Variants in EIF5B observed in about 807,000 individuals in gnomAD.
EIF5B encodes eIF-5B.
Under a neutral mutation model 147.5 loss-of-function variants are expected in EIF5B, and 47 were observed. The observed-to-expected ratio is 0.32, with a 90% CI of 0.25 to 0.41. The LOEUF (loss-of-function observed/expected upper bound fraction) is 0.41, where lower values mean the gene tolerates loss of function less well. Ranked by LOEUF, EIF5B falls within the 10% of genes least tolerant of loss-of-function variation. The pLI, the probability that EIF5B is intolerant of heterozygous loss-of-function variation, is 1.00. For synonymous variants in EIF5B, 455 were observed against 456.2 expected, an observed-to-expected ratio of 1.00 and a Z score of 0.03; for missense variants, 1,064 against 1,413.2, an observed-to-expected ratio of 0.75 and a Z score of 3.96.
chr2:99,338,987 T>C (rs1389567469), intron 1 of EIF5B, among the ~76,000 whole-genome samples: 3 of 62,728 alleles, frequency 4.8e-5, no homozygotes, highest in Non-Finnish European at 8.6e-5. Flanking sequence ...TACAAATATA[T>C]ACACAAATAT....
At chr2:99,367,747 G>A (rs1052640114) in intron 6 of EIF5B, among the ~76,000 whole-genome samples, 3 of 152,148 alleles carry the variant, frequency 2.0e-5, no homozygotes, top group Non-Finnish European at 2.9e-5. Flanking sequence ...GAGCCATTGC[G>A]CCTGGCCAAA....
At chr2:99,351,879 T>A (rs1306041575) in intron 1 of EIF5B, among the ~76,000 whole-genome samples, 1 of 152,040 alleles carries the variant, frequency 6.6e-6, no homozygotes, top group Non-Finnish European at 1.5e-5. Flanking sequence ...TTTGTATTTT[T>A]AGTAGGGACG....
chr2:99,359,653 G>A (rs1312492854), intron 1 of EIF5B, among the ~76,000 whole-genome samples: 1 of 152,188 alleles, frequency 6.6e-6, no homozygotes, highest in Non-Finnish European at 1.5e-5. Context: ...TGGATTTTTG[G>A]TTAAGTATTT....
intron 9 of EIF5B, among the ~76,000 whole-genome samples, chr2:99,372,431 C>T (rs942220767): frequency 7.9e-5 from 12 of 152,138 alleles, no homozygotes; most frequent in Admixed American, 1.3e-4. Flanking sequence ...CTCCACCTCC[C>T]GGGTTCAAGC....
Position 99,394,740 on chromosome 2 carries a change from C to T in EIF5B, c.3111C>T (p.Phe1037=), listed in dbSNP as rs375923795. ...HDPQYAVILA[F]DVRIERDAQE... Reference sequence around the variant, plus strand: ...TTAGGTATGCAGTAATTTTGGCCTTCGATGTGAGAATTGAACGAGATGCAC... The same window carrying T: ...TTAGGTATGCAGTAATTTTGGCCTTTGATGTGAGAATTGAACGAGATGCAC... Residue 1037 remains phenylalanine (F), a synonymous_variant, in exon 21 of 24, where the codon TTC becomes TTT. Transcript: ENST00000289371. 9.3e-6 allele frequency: 15 copies of T among 1,611,362 alleles called. No homozygotes were observed. Among genetic ancestry groups the T allele is most frequent in the African/African-American group, 6.7e-5 (5 of 74,654 alleles).
At chr2:99,390,446 A>G in intron 16 of EIF5B, 45 bp downstream of exon 16, 1 of 1,579,480 alleles carries the variant, frequency 6.3e-7, no homozygotes, top group Middle Eastern at 1.7e-4. Flanking sequence ...TTTTTTAAAA[A>G]TAGCAAGTTC....
chr2:99,362,542 T>TA (rs1674240178), intron 4 of EIF5B, among the ~76,000 whole-genome samples: 1 of 151,800 alleles, frequency 6.6e-6, no homozygotes, highest in African/African-American at 2.4e-5. Flanking sequence ...CTACTAAAAA[T>TA]ACAATAATTA....
rs1211776059 is a variant in EIF5B, at chr2:99,361,236, A to G, written c.335A>G (p.Asp112Gly). ...AAAAAACAGAGTTTTGATGATAATGATAGCGAAGAATTGGAAGATAAAGAT... is the reference window on the plus strand; with the variant it reads ...AAAAAACAGAGTTTTGATGATAATGGTAGCGAAGAATTGGAAGATAAAGAT... ...KGKKQSFDDNDSEELEDKDSK... is the reference protein window; with the variant it reads ...KGKKQSFDDNGSEELEDKDSK... The change falls in exon 4 of 24, where the codon GAT becomes GGT. Residue 112 changes from aspartate to glycine, a missense_variant. By Grantham distance (94) the Asp-to-Gly change is moderately conservative (BLOSUM62 -1). Transcript: ENST00000289371. The G allele has an allele frequency of 2.5e-6, 4 of 1,611,952 alleles. No individual in the cohort carries two copies. In the Admixed American group the frequency reaches 6.7e-5, roughly 27 times the overall value.
At chr2:99,381,552 T>TGTGTGTGTGA (rs1362008404) in intron 12 of EIF5B, among the ~76,000 whole-genome samples, 2 of 151,266 alleles carry the variant, frequency 1.3e-5, no homozygotes, top group African/African-American at 4.9e-5. Context: ...TGTGTGTGTG[T>TGTGTGTGTGA]GAAATTAGTT....
chr2:99,368,577 T>C lies in EIF5B; in HGVS notation c.1373T>C (p.Leu458Pro), dbSNP rs1674375398. The C allele has an allele frequency of 6.2e-7, 1 of 1,612,774 alleles. No individual in the cohort carries two copies. The highest frequency in any genetic ancestry group is 8.5e-7 in the Non-Finnish European group (1 of 1,179,194). Residue 458 changes from leucine (L) to proline (P), a missense_variant, in exon 7 of 24, where the codon CTA becomes CCA. By Grantham distance (98) the Leu-to-Pro change is moderately conservative (BLOSUM62 -3). Around this residue, in one of 4 missense-constraint regions of EIF5B, gnomAD observed 31 missense variants for 60.1 expected, o/e 0.52. Transcript: ENST00000289371. ...DKKRKKIPQQ[L>P]ESKEVSESME... Reference sequence around the variant, plus strand: ...AAGAGGAAAAAAATACCACAGCAGCTAGAAAGTAAAGAAGGTTTGTATACA... The same window carrying C: ...AAGAGGAAAAAAATACCACAGCAGCCAGAAAGTAAAGAAGGTTTGTATACA...
intron 1 of EIF5B, chr2:99,338,312 C>CT: frequency 2.3e-6 from 3 of 1,288,958 alleles, no homozygotes; most frequent in Non-Finnish European, 3.0e-6. Context: ...ATGCGAGTTA[C>CT]TTACCTAGAG....
chr2:99,338,489 T>G (rs1291460806), intron 1 of EIF5B: 1 of 437,774 alleles, frequency 2.3e-6, no homozygotes, highest in East Asian at 7.2e-5. Flanking sequence ...AAACTAGTGC[T>G]AGTTCATCAG....
chr2:99,400,498 T>C lies in EIF5B; in HGVS notation c.*1084T>C, dbSNP rs935756555. Reference sequence around the variant, plus strand: ...CATAGAATTTTAAACTATTTTTATTTTAAAGTTATGGCATAACATATAACA... The same window carrying C: ...CATAGAATTTTAAACTATTTTTATTCTAAAGTTATGGCATAACATATAACA... On this transcript the variant is annotated 3_prime_UTR_variant, in exon 24 of 24. Coordinates refer to ENST00000289371, the MANE Select transcript of EIF5B (RefSeq NM_015904.4). The C allele has an allele frequency of 1.3e-5, 2 of 152,196 alleles. No homozygotes were observed. The allele number at this position is 152,196 out of a possible 1,614,324, so 9.4% of individuals were successfully genotyped here.
Position 99,393,003 on chromosome 2 carries a change from C to G in EIF5B, c.2785C>G (p.Gln929Glu), listed in dbSNP as rs1009951853. 6.3e-7 allele frequency: 1 copy of G among 1,580,408 alleles called. No individual in the cohort carries two copies. The highest frequency in any genetic ancestry group is 8.6e-7 in the Non-Finnish European group (1 of 1,163,380). ...AAAGCATAAAGAAGTAGAAGCAGCT[C>G]AGGGGGTAAAGATTCTTGGAAAAGA... ...YEKHKEVEAA[Q>E]GVKILGKDLE... The change falls in exon 18 of 24, where the codon CAG (glutamine) becomes GAG (glutamate). Residue 929 changes from glutamine to glutamate, a missense_variant. Coordinates refer to ENST00000289371, the MANE Select transcript of EIF5B (RefSeq NM_015904.4).
At chr2:99,357,761 T>C (rs1674124709) in intron 1 of EIF5B, among the ~76,000 whole-genome samples, 1 of 152,196 alleles carries the variant, frequency 6.6e-6, no homozygotes, top group Non-Finnish European at 1.5e-5. Flanking sequence ...GTGTGAAATG[T>C]TGCCAGAGAT....
chr2:99,384,489 A>C (rs181194035), intron 14 of EIF5B, among the ~76,000 whole-genome samples: 1 of 152,360 alleles, frequency 6.6e-6, no homozygotes, highest in African/African-American at 2.4e-5. Context: ...ACTTTCAAGT[A>C]TTGTTACTTA....
intron 1 of EIF5B, among the ~76,000 whole-genome samples, chr2:99,347,625 A>G (rs2094276088): frequency 1.3e-5 from 2 of 152,062 alleles, no homozygotes; most frequent in Non-Finnish European, 2.9e-5. Context: ...TTCATTGTGA[A>G]TGTATTGCCT....
intron 10 of EIF5B, among the ~76,000 whole-genome samples, chr2:99,378,151 G>T (rs1260218355): frequency 2.0e-5 from 3 of 152,098 alleles, no homozygotes; most frequent in African/African-American, 7.2e-5. Flanking sequence ...AAGTTTTTCA[G>T]TTTCAGTTTC....
chr2:99,398,164 G>A (rs1675099393), intron 22 of EIF5B: 1 of 152,206 alleles, frequency 6.6e-6, no homozygotes, highest in Non-Finnish European at 1.5e-5. Flanking sequence ...TACCATTTCA[G>A]TGGACTAAGC....
Sources: gnomAD v4.1 joint callset for allele counts (sites outside exome capture counted in the v4.1 genomes callset) on GRCh38, gnomAD v4.1.1 for gene constraint, gnomAD v4.1.1 regional missense constraint, MANE v1.5 for transcripts, NCBI Gene and HGNC (gene_info 2026-07-23, HGNC 2026-07-21) for gene names.